The following HECW2 variants were observed in gnomAD, a reference collection of about 807,000 sequenced individuals.
HECW2 encodes the protein HECT, C2 and WW domain containing E3 ubiquitin protein ligase 2, also known as E3 ubiquitin-protein ligase HECW2.
A neutral mutation model predicts 175.2 loss-of-function variants in HECW2; 61 were observed. The observed-to-expected ratio is 0.35, with a 90% confidence interval of 0.28 to 0.43. HECW2 has a LOEUF of 0.43. Ranked by LOEUF, HECW2 falls within the 20% of genes least tolerant of loss-of-function variation. The pLI, the probability that HECW2 is intolerant of heterozygous loss-of-function variation, is 1.00. For synonymous variants in HECW2, 671 were observed against 731.0 expected (o/e 0.92, Z 1.32); for missense variants, 1,524 against 2,000.5 (o/e 0.76, Z 4.54).
intron 13 of HECW2, 64 bp from the exon 14 acceptor site, chr2:196,292,814 T>C: frequency 8.0e-7 from 1 of 1,249,596 alleles, no homozygotes. Context: ...CCAGAAATAC[T>C]ACACATGGGT....
chr2:196,261,847 G>A (rs935038559), intron 17 of HECW2, among the ~76,000 whole-genome samples: 6 of 152,030 alleles, frequency 3.9e-5, no homozygotes, highest in African/African-American at 7.2e-5. Flanking sequence ...TTATAGGTCC[G>A]CAATATTTCT....
rs1359344083 is a variant in HECW2 at position 196,318,567 on chromosome 2, C to T, written c.2323G>A (p.Glu775Lys). Reference sequence around the variant, plus strand: ...CATATCCTACCTCCAGTAGCGCCCTCCTCCTGGGCAGTTGCCCCTTCACAG... The same window carrying T: ...CATATCCTACCTCCAGTAGCGCCCTTCTCCTGGGCAGTTGCCCCTTCACAG... The part of the protein sequence containing the change: ...GTCEGATAQE[E>K]GATGGSQANG... The change falls in exon 9 of 29, where the codon GAG becomes AAG. Residue 775 changes from glutamate to lysine, a missense_variant. Coordinates refer to ENST00000644978, the MANE Select transcript of HECW2 (RefSeq NM_001348768.2). The T allele has an allele frequency of 1.3e-6, 2 of 1,522,568 alleles. No homozygotes were observed. Among genetic ancestry groups the T allele is most frequent in the Admixed American group, 4.3e-5 (2 of 46,226 alleles). The allele number at this position is 1,522,568 out of a possible 1,614,324, so 94.3% of individuals were successfully genotyped here. A position where few individuals can be genotyped will look rare whatever the true frequency, so the allele number is the denominator to read the frequency against.
At chr2:196,412,872 A>T (rs576470710) in intron 2 of HECW2, among the ~76,000 whole-genome samples, 1 of 152,350 alleles carries the variant, frequency 6.6e-6, no homozygotes, top group Non-Finnish European at 1.5e-5. Context: ...AGTTCAACAT[A>T]GCCCTAAAGG....
chr2:196,315,149 AGTGTGT>A (rs58473650), intron 10 of HECW2, among the ~76,000 whole-genome samples: 20,908 of 144,520 alleles, frequency 0.14, 1,501 homozygotes, highest in Non-Finnish European at 0.17. Context: ...CGAGTGTATG[AGTGTGT>A]GTGTGTGTGT....
At chr2:196,327,365 ATCTTT>A (rs993810109) in intron 5 of HECW2, among the ~76,000 whole-genome samples, 2 of 152,118 alleles carry the variant, frequency 1.3e-5, no homozygotes, top group Admixed American at 1.3e-4. Context: ...CTCATTTCTG[ATCTTT>A]TCTTTTTTGT....
In HECW2 at chr2:196,329,667, T is replaced by C. The variant is rs375914399; in HGVS notation, c.496-17A>G. 8.7e-6 allele frequency: 14 copies of C among 1,610,504 alleles called. No homozygotes were observed. The highest frequency in any genetic ancestry group is 1.3e-5 in the African/African-American group (1 of 74,820). On this transcript the variant is annotated splice_polypyrimidine_tract_variant and intron_variant, in intron 4 of 28. Coordinates refer to ENST00000644978, the MANE Select transcript of HECW2 (RefSeq NM_001348768.2). ...TGCCCCCATCTGAAAAGAAAAAACA[T>C]GCATCTGAAGTTTCAGAAGCATATG...
intron 28 of HECW2, among the ~76,000 whole-genome samples, chr2:196,211,712 C>G (rs542745153): frequency 6.6e-6 from 1 of 152,312 alleles, no homozygotes; most frequent in African/African-American, 2.4e-5. Flanking sequence ...TCATCCTTGT[C>G]TAGAAAGACT....
intron 28 of HECW2, among the ~76,000 whole-genome samples, chr2:196,202,189 A>G (rs1314319155): frequency 6.6e-6 from 1 of 152,172 alleles, no homozygotes; most frequent in Non-Finnish European, 1.5e-5. Flanking sequence ...AATGTACAAC[A>G]GCTTGTTTGG....
At chr2:196,524,341 A>G (rs1359189105) in intron 1 of HECW2, among the ~76,000 whole-genome samples, 10 of 105,368 alleles carry the variant, frequency 9.5e-5, no homozygotes, top group African/African-American at 1.8e-4. Context: ...ATCATTTTTT[A>G]TTGTGTCTAT....
chr2:196,202,071 T>G (rs562980299), intron 28 of HECW2, among the ~76,000 whole-genome samples: 24 of 152,334 alleles, frequency 1.6e-4, no homozygotes, highest in African/African-American at 5.8e-4. Context: ...TATGTTTTCC[T>G]GTTATTTGCA....
Position 196,484,011 on chromosome 2 carries a change from A to G in HECW2, c.-35-50553T>C, listed in dbSNP as rs533900419. ...AAAAGGCAAGACAGAGTAATGGCTG[A>G]GGGTCCAGGCTTTGAAATCGTTTTC... On this transcript the variant is annotated intron_variant, in intron 1 of 28. Transcript: ENST00000644978. 2.0e-5 allele frequency among the ~76,000 whole-genome samples: 3 copies of G among 152,342 alleles called. No homozygotes were observed. In the East Asian group the frequency reaches 5.8e-4, roughly 29 times the overall value.
Position 196,319,519 on chromosome 2 carries a change from G to A in HECW2, c.1371C>T (p.Leu457=). ...LRSSFPTDTR[L]NAMLHIDSDE... ...CTGAATCAATATGAAGCATGGCATTGAGTCTTGTGTCAGTGGGAAAACTAC... is the reference window on the plus strand; with the variant it reads ...CTGAATCAATATGAAGCATGGCATTAAGTCTTGTGTCAGTGGGAAAACTAC... The change falls in exon 9 of 29, where the codon CTC becomes CTT. Residue 457 remains leucine, a synonymous_variant. Transcript: ENST00000644978. 6.2e-7 allele frequency: 1 copy of A among 1,614,154 alleles called. No individual in the cohort carries two copies. Among genetic ancestry groups the A allele is most frequent in the Non-Finnish European group, 8.5e-7 (1 of 1,180,042 alleles).
intron 1 of HECW2, among the ~76,000 whole-genome samples, chr2:196,550,915 C>T (rs914719571): frequency 2.0e-5 from 3 of 152,160 alleles, no homozygotes; most frequent in African/African-American, 7.2e-5. Context: ...ACTGGAAGAA[C>T]TTTAGTTACA....
At chr2:196,497,679 G>A (rs1356596511) in intron 1 of HECW2, among the ~76,000 whole-genome samples, 1 of 152,146 alleles carries the variant, frequency 6.6e-6, no homozygotes, top group Admixed American at 6.5e-5. Context: ...GCGTGTCATA[G>A]AAACTAGAAC....
At chr2:196,314,920 G>T (rs866138733) in intron 10 of HECW2, among the ~76,000 whole-genome samples, 18 of 152,154 alleles carry the variant, frequency 1.2e-4, no homozygotes, top group Non-Finnish European at 1.8e-4. Flanking sequence ...AGAGGTGGTA[G>T]CAAAGTTGTC....
chr2:196,323,760 C>T (rs1401299825), intron 6 of HECW2, among the ~76,000 whole-genome samples: 1 of 152,108 alleles, frequency 6.6e-6, no homozygotes, highest in Non-Finnish European at 1.5e-5. Context: ...AAAAACTTTG[C>T]AAATTTAAAA....
chr2:196,383,170 A>G (rs1694255530), intron 2 of HECW2, among the ~76,000 whole-genome samples: 1 of 152,210 alleles, frequency 6.6e-6, no homozygotes, highest in Admixed American at 6.5e-5. Context: ...AGAAAAATGC[A>G]AGCATAAGTC....
chr2:196,226,020 G>C (rs1687836179), intron 22 of HECW2, 150 bp from the exon 23 acceptor site: 3 of 594,736 alleles, frequency 5.0e-6, no homozygotes, highest in Non-Finnish European at 6.2e-6. Context: ...AGGCACCATG[G>C]GCTGTGTCTT....
intron 1 of HECW2, among the ~76,000 whole-genome samples, chr2:196,441,608 CA>C (rs1337293814): frequency 2.6e-5 from 4 of 152,216 alleles, no homozygotes; most frequent in African/African-American, 9.6e-5. Flanking sequence ...AAGACGTCAC[CA>C]AATCTTCCAC....
Sources: gnomAD v4.1 joint callset for allele counts (sites outside exome capture counted in the v4.1 genomes callset) on GRCh38, gnomAD v4.1.1 for gene constraint, MANE v1.5 for transcripts, NCBI Gene and HGNC (gene_info 2026-07-23, HGNC 2026-07-21) for gene names.